Variants in CNTN1 observed in about 807,000 individuals in gnomAD.
CNTN1 encodes contactin-1.
A neutral mutation model predicts 126.4 loss-of-function variants in CNTN1; 38 were observed. The observed-to-expected ratio is 0.30, with a 90% CI of 0.23 to 0.39. The LOEUF (loss-of-function observed/expected upper bound fraction) is 0.39. Ranked by LOEUF, CNTN1 falls within the 10% of genes least tolerant of loss-of-function variation. The pLI is 1.00. For synonymous variants in CNTN1, 413 were observed against 422.6 expected (o/e 0.98, Z 0.28); for missense variants, 1,009 against 1,248.4 (o/e 0.81, Z 2.89).
chr12:41,061,510 T>A (rs1949938768), intron 23 of CNTN1, among the ~76,000 whole-genome samples: 1 of 152,178 alleles, frequency 6.6e-6, no homozygotes, highest in Non-Finnish European at 1.5e-5. Context: ...AGCAGAAAGA[T>A]TAGTGGGCTT....
intron 1 of CNTN1, among the ~76,000 whole-genome samples, chr12:40,741,462 G>T (rs978739606): frequency 3.3e-5 from 5 of 151,860 alleles, no homozygotes; most frequent in Admixed American, 3.3e-4. Flanking sequence ...ACCACAAAAA[G>T]AAATAAAAGT....
At chr12:40,794,865 C>T (rs1215026151) in intron 1 of CNTN1, among the ~76,000 whole-genome samples, 2 of 152,030 alleles carry the variant, frequency 1.3e-5, no homozygotes, top group African/African-American at 4.8e-5. Flanking sequence ...GAGGCCATTG[C>T]ACACTATGAG....
intron 1 of CNTN1, among the ~76,000 whole-genome samples, chr12:40,778,749 C>T (rs569091528): frequency 6.6e-6 from 1 of 151,750 alleles, no homozygotes; most frequent in Non-Finnish European, 1.5e-5. Flanking sequence ...ATTGGAACTA[C>T]ATAGAAAATA....
At chr12:40,875,621 T>C (rs1292348702) in intron 1 of CNTN1, among the ~76,000 whole-genome samples, 1 of 152,114 alleles carries the variant, frequency 6.6e-6, no homozygotes, top group Non-Finnish European at 1.5e-5. Flanking sequence ...ATATATACCC[T>C]TTTGGGATTG....
At chr12:40,945,484 A>G in intron 14 of CNTN1, among the ~76,000 whole-genome samples, 1 of 152,084 alleles carries the variant, frequency 6.6e-6, no homozygotes. Flanking sequence ...TTTCAAAAGT[A>G]AAGTCTAGAA....
At chr12:40,822,112 G>GT (rs1274903768) in intron 1 of CNTN1, among the ~76,000 whole-genome samples, 3 of 108,152 alleles carry the variant, frequency 2.8e-5, no homozygotes, top group Non-Finnish European at 5.9e-5. Flanking sequence ...ACTTCTCAAT[G>GT]TTTTTTATAA....
chr12:40,957,447 C>CT (rs34057125), intron 14 of CNTN1, among the ~76,000 whole-genome samples: 141 of 143,402 alleles, frequency 9.8e-4, no homozygotes, highest in South Asian at 3.3e-3. Context: ...TTTACCCTAC[C>CT]TTTTTTTTTT....
chr12:40,749,315 C>T (rs1272232147), intron 1 of CNTN1, among the ~76,000 whole-genome samples: 1 of 152,052 alleles, frequency 6.6e-6, no homozygotes, highest in Non-Finnish European at 1.5e-5. Context: ...CTCTATTGTC[C>T]ACCTTTCAGT....
chr12:40,848,324 A>C (rs1377426007), intron 1 of CNTN1, among the ~76,000 whole-genome samples: 1 of 152,170 alleles, frequency 6.6e-6, no homozygotes, highest in African/African-American at 2.4e-5. Flanking sequence ...AAATTCCTAT[A>C]GTGTTTAATG....
At chr12:40,989,363 A>T (rs1461323073) in intron 16 of CNTN1, among the ~76,000 whole-genome samples, 1 of 152,202 alleles carries the variant, frequency 6.6e-6, no homozygotes, top group African/African-American at 2.4e-5. Context: ...AAAGCATACA[A>T]AGCGGCAGTG....
chr12:40,693,566 T>G (rs1294460728), intron 1 of CNTN1, among the ~76,000 whole-genome samples: 1 of 152,136 alleles, frequency 6.6e-6, no homozygotes, highest in Non-Finnish European at 1.5e-5. Flanking sequence ...CCTGAAAAAT[T>G]GGGATGATGG....
At chr12:40,718,067 C>G (rs1465202648) in intron 1 of CNTN1, among the ~76,000 whole-genome samples, 4 of 152,164 alleles carry the variant, frequency 2.6e-5, no homozygotes, top group African/African-American at 4.8e-5. Context: ...TCTTTTATCT[C>G]ATCTGACGGA....
At chr12:41,016,101 C>A (rs1445568752) in intron 18 of CNTN1, among the ~76,000 whole-genome samples, 2 of 152,184 alleles carry the variant, frequency 1.3e-5, no homozygotes, top group African/African-American at 4.8e-5. Context: ...TAATGAAATT[C>A]ATTTGCTCAT....
Position 40,971,509 on chromosome 12 carries a change from G to A in CNTN1, c.1805-9400G>A, listed in dbSNP as rs1242646803. The A allele has an allele frequency of 4.4e-6, 7 of 1,595,574 alleles. No homozygotes were observed. The South Asian group carries it at 7.7e-5, about 18-fold the overall frequency. Reference sequence around the variant, plus strand: ...GTCTGTGCAAGCCTGCCTCCAACCTGGTGATCGTTGACACTCACCATTTCT... The same window carrying A: ...GTCTGTGCAAGCCTGCCTCCAACCTAGTGATCGTTGACACTCACCATTTCT... On this transcript the variant is annotated intron_variant, in intron 15 of 23. Coordinates refer to ENST00000551295, the MANE Select transcript of CNTN1 (RefSeq NM_001843.4).
intron 3 of CNTN1, among the ~76,000 whole-genome samples, chr12:40,913,205 A>C (rs1455113556): frequency 6.6e-6 from 1 of 152,214 alleles, no homozygotes; most frequent in Non-Finnish European, 1.5e-5. Context: ...TTAGTTATAA[A>C]AAAGTACTGC....
At chr12:40,820,308 A>G (rs1941404755) in intron 1 of CNTN1, among the ~76,000 whole-genome samples, 1 of 152,214 alleles carries the variant, frequency 6.6e-6, no homozygotes, top group Non-Finnish European at 1.5e-5. Context: ...GACACCTCCC[A>G]TTAAGTTCCA....
At chr12:40,941,172 C>G (rs1946253062) in intron 12 of CNTN1, among the ~76,000 whole-genome samples, 1 of 152,070 alleles carries the variant, frequency 6.6e-6, no homozygotes, top group Admixed American at 6.6e-5. Context: ...TTTTTAAAGC[C>G]TTTGAAATCA....
chr12:40,707,043 T>TGCGC (rs1380753834), intron 1 of CNTN1, among the ~76,000 whole-genome samples: 1 of 44,446 alleles, frequency 2.2e-5, no homozygotes, highest in Non-Finnish European at 5.2e-5. Flanking sequence ...CGCGCGCGCT[T>TGCGC]GCGCACACAC....
chr12:40,824,464 C>T (rs530242333), intron 1 of CNTN1, among the ~76,000 whole-genome samples: 60 of 152,172 alleles, frequency 3.9e-4, no homozygotes, highest in South Asian at 6.2e-4. Context: ...AGTTGAATTT[C>T]CTAATAACTC....
Sources: allele counts gnomAD v4.1 joint callset (sites outside exome capture counted in the v4.1 genomes callset), GRCh38; gene constraint gnomAD v4.1.1; transcripts MANE v1.5; gene names NCBI Gene and HGNC (gene_info 2026-07-23, HGNC 2026-07-21).